The following SEMA3D variants were observed in gnomAD, a reference collection of about 807,000 sequenced individuals.
SEMA3D encodes the protein semaphorin-3D.
SEMA3D carries 84 observed loss-of-function variants against 100.1 expected under a neutral mutation model. The observed-to-expected ratio is 0.84, with a 90% confidence interval of 0.70 to 1.01. The LOEUF is 1.01. SEMA3D is among the 50% of genes least tolerant of loss of function. SEMA3D has a pLI of 0.00. For missense variants in SEMA3D, 875 were observed against 934.1 expected, an observed-to-expected ratio of 0.94 and a Z score of 0.82; for synonymous variants, 312 against 320.7, an observed-to-expected ratio of 0.97 and a Z score of 0.29.
chr7:85,136,384 G>A (rs1789869195), intron 2 of SEMA3D, among the ~76,000 whole-genome samples: 1 of 151,946 alleles, frequency 6.6e-6, no homozygotes, highest in Non-Finnish European at 1.5e-5. Context: ...CCAACTTCCA[G>A]GGATTATCAT....
chr7:85,026,256 C>T (rs1328017795), intron 12 of SEMA3D, among the ~76,000 whole-genome samples: 1 of 151,862 alleles, frequency 6.6e-6, no homozygotes, highest in Non-Finnish European at 1.5e-5. Flanking sequence ...GAGATATCCT[C>T]AGTAATTTAG....
chr7:85,002,680 GT>G (rs923585327), intron 18 of SEMA3D, among the ~76,000 whole-genome samples: 1 of 152,160 alleles, frequency 6.6e-6, no homozygotes, highest in African/African-American at 2.4e-5. Context: ...GAAGTGATAA[GT>G]AAAAACTGCT....
intron 6 of SEMA3D, among the ~76,000 whole-genome samples, chr7:85,068,925 G>C (rs1171646761): frequency 6.6e-6 from 1 of 152,042 alleles, no homozygotes; most frequent in Non-Finnish European, 1.5e-5. Context: ...TTTTATAATA[G>C]TGACCACAGA....
intron 5 of SEMA3D, among the ~76,000 whole-genome samples, chr7:85,074,911 T>C (rs1200286571): frequency 6.6e-6 from 1 of 152,096 alleles, no homozygotes; most frequent in African/African-American, 2.4e-5. Flanking sequence ...TGAGCCACCA[T>C]GGCAGGCCGA....
chr7:85,164,452 A>G (rs1467568225), intron 1 of SEMA3D, among the ~76,000 whole-genome samples: 1 of 152,080 alleles, frequency 6.6e-6, no homozygotes, highest in East Asian at 1.9e-4. Flanking sequence ...TTTAAAAAAT[A>G]TTTTTTTGGA....
the SEMA3D span, among the ~76,000 whole-genome samples, chr7:85,203,121 A>C: frequency 6.6e-6 from 1 of 152,184 alleles, no homozygotes; most frequent in East Asian, 1.9e-4. Context: ...TCTTTTCTCA[A>C]AAATATGGGA....
the SEMA3D span, among the ~76,000 whole-genome samples, chr7:85,218,026 A>G: frequency 1.3e-5 from 2 of 152,074 alleles, no homozygotes; most frequent in African/African-American, 4.8e-5. Context: ...GACAAAAGTG[A>G]AAGTTACTCC....
chr7:85,081,679 G>C lies in SEMA3D; in HGVS notation c.313-100C>G, dbSNP rs373607778. 10 of 769,202 alleles carry C rather than the reference G, an allele frequency of 1.3e-5. No homozygotes were observed. In the East Asian group the frequency reaches 2.6e-4, roughly 20 times the overall value. 47.6% of individuals were successfully genotyped at this position (769,202 alleles called of 1,614,324 possible). A position where few individuals can be genotyped will look rare whatever the true frequency, so the allele number is the denominator to read the frequency against. On this transcript the variant is annotated intron_variant, in intron 4 of 18. Transcript: ENST00000284136. The stretch of plus-strand genomic sequence containing the variant: ...GTGAATGTGTGAAATTGAAGAATGA[G>C]TATTAAGCATGTTGTTAGAGTCAAT...
At chr7:85,206,431 G>T in the SEMA3D span, among the ~76,000 whole-genome samples, 4 of 152,046 alleles carry the variant, frequency 2.6e-5, no homozygotes, top group South Asian at 8.3e-4. Context: ...CAGTACTACT[G>T]CTTGCTGTAA....
At chr7:85,005,986 G>T (rs1036788422) in intron 18 of SEMA3D, among the ~76,000 whole-genome samples, 1 of 152,002 alleles carries the variant, frequency 6.6e-6, no homozygotes, top group African/African-American at 2.4e-5. Flanking sequence ...CAGTTCTAGA[G>T]AAGTTATGAT....
At chr7:85,028,069 C>T (rs553862191) in intron 12 of SEMA3D, 5 of 604,718 alleles carry the variant, frequency 8.3e-6, no homozygotes, top group Admixed American at 8.0e-5. Flanking sequence ...TTTGATGATG[C>T]CATTGTCCAG....
the SEMA3D span, among the ~76,000 whole-genome samples, chr7:85,233,540 T>C: frequency 6.6e-6 from 1 of 152,242 alleles, no homozygotes; most frequent in African/African-American, 2.4e-5. Context: ...ATAAGTACTC[T>C]GGAACTTCAG....
upstream of SEMA3D, among the ~76,000 whole-genome samples, chr7:85,189,342 A>G (rs1791643672): frequency 6.6e-6 from 1 of 152,206 alleles, no homozygotes. Flanking sequence ...TAATAACTGT[A>G]TAGGGTCCCA....
At chr7:85,179,203 G>C (rs1583993979) in intron 1 of SEMA3D, among the ~76,000 whole-genome samples, 2 of 152,124 alleles carry the variant, frequency 1.3e-5, no homozygotes, top group African/African-American at 4.8e-5. Context: ...GCCTCCTGTA[G>C]GGGCACTGCA....
chr7:85,172,628 G>T (rs1178279434), intron 1 of SEMA3D, among the ~76,000 whole-genome samples: 1 of 152,026 alleles, frequency 6.6e-6, no homozygotes, highest in Non-Finnish European at 1.5e-5. Context: ...AGGGATGAAT[G>T]CTTAGCTTCT....
At chr7:85,026,351 A>G (rs1200204778) in intron 12 of SEMA3D, among the ~76,000 whole-genome samples, 4 of 152,058 alleles carry the variant, frequency 2.6e-5, no homozygotes, top group African/African-American at 9.7e-5. Context: ...TGTGAATTCA[A>G]TATGATAGAG....
At chr7:85,159,874 G>T (rs934925456) in intron 1 of SEMA3D, 1 of 984,850 alleles carries the variant, frequency 1.0e-6, no homozygotes, top group South Asian at 4.7e-5. Flanking sequence ...TATATGACTG[G>T]AGGAAGGAAG....
chr7:85,236,104 GACC>G, the SEMA3D span, among the ~76,000 whole-genome samples: 1 of 151,702 alleles, frequency 6.6e-6, no homozygotes, highest in African/African-American at 2.4e-5. Context: ...ATTACACATT[GACC>G]CCTCTAACTG....
At chr7:85,017,953 T>C (rs930809994) in intron 15 of SEMA3D, among the ~76,000 whole-genome samples, 1 of 151,740 alleles carries the variant, frequency 6.6e-6, no homozygotes, top group African/African-American at 2.4e-5. Flanking sequence ...GGGTTGATAT[T>C]CTACATGAAT....
Sources: allele counts gnomAD v4.1 joint callset (sites outside exome capture counted in the v4.1 genomes callset), GRCh38; gene constraint gnomAD v4.1.1; transcripts MANE v1.5; gene names NCBI Gene and HGNC (gene_info 2026-07-23, HGNC 2026-07-21).